The following PIGU variants were observed in gnomAD, a reference collection of about 807,000 sequenced individuals.
PIGU encodes phosphatidylinositol glycan anchor biosynthesis class U, also known as GPI-anchor transamidase component PIGU.
In PIGU, 24 loss-of-function variants were observed where a neutral mutation model predicts 49.9. The ratio of observed to expected loss-of-function variants is 0.48; its 90% CI spans 0.35 to 0.68. The LOEUF (loss-of-function observed/expected upper bound fraction) is 0.68. PIGU is among the 30% of genes least tolerant of loss of function. The pLI is 0.01. For synonymous variants in PIGU, 220 were observed against 205.7 expected (o/e 1.07, Z -0.59); for missense variants, 490 against 532.6 (o/e 0.92, Z 0.79).
intron 11 of PIGU, among the ~76,000 whole-genome samples, chr20:34,565,996 C>T (rs1225855947): frequency 6.6e-6 from 1 of 152,052 alleles, no homozygotes; most frequent in Non-Finnish European, 1.5e-5. Context: ...TGCAAGCTTG[C>T]AATGCTTAGA....
In PIGU at chr20:34,588,467, T is replaced by C; in HGVS notation, c.768A>G (p.Ala256=). 6.2e-7 allele frequency: 1 copy of C among 1,613,896 alleles called. No homozygotes were observed. Among genetic ancestry groups the C allele is most frequent in the East Asian group, 2.2e-5 (1 of 44,860 alleles). Residue 256 remains alanine, a synonymous_variant, in exon 8 of 12, where the codon GCA becomes GCG. Coordinates refer to ENST00000217446, the MANE Select transcript of PIGU (RefSeq NM_080476.5). ...TCATTACTTACATAAAGCCATAGACTGCGGGGATGAAATCCCAAGAGCTGA... is the reference window on the plus strand; with the variant it reads ...TCATTACTTACATAAAGCCATAGACCGCGGGGATGAAATCCCAAGAGCTGA... ...FLLSSWDFIP[A]VYGFILSVPD...
chr20:34,676,896 T>G, intron 1 of PIGU, 60 bp downstream of exon 1: 8 of 1,548,192 alleles, frequency 5.2e-6, no homozygotes, highest in Non-Finnish European at 7.0e-6. Flanking sequence ...CGCCTCCCAT[T>G]CACAGAGGCC....
Position 34,562,480 on chromosome 20 carries a change from G to A in PIGU, c.1195-1501C>T, listed in dbSNP as rs1258529275. On this transcript the variant is annotated intron_variant, in intron 11 of 11. Coordinates refer to ENST00000217446, the MANE Select transcript of PIGU (RefSeq NM_080476.5). Reference sequence around the variant, plus strand: ...AGCTAAGGAGAGATCAGAGGCGCCTGGAGGAGTTCAGGAAGGTGTCCTGTC... The same window carrying A: ...AGCTAAGGAGAGATCAGAGGCGCCTAGAGGAGTTCAGGAAGGTGTCCTGTC... 3 of 1,288,410 alleles carry A rather than the reference G, an allele frequency of 2.3e-6. No individual in the cohort carries two copies. In the African/African-American group the frequency reaches 4.6e-5, roughly 20 times the overall value. The allele number at this position is 1,288,410 out of a possible 1,614,324, so 79.8% of individuals were successfully genotyped here. A position where few individuals can be genotyped will look rare whatever the true frequency, so the allele number is the denominator to read the frequency against.
At chr20:34,589,315 T>TA (rs1983849188) in intron 7 of PIGU, among the ~76,000 whole-genome samples, 1 of 152,150 alleles carries the variant, frequency 6.6e-6, no homozygotes. Flanking sequence ...AAAAAGACTT[T>TA]AAAAAAACGC....
At chr20:34,604,659 A>G (rs1984547623) in intron 7 of PIGU, among the ~76,000 whole-genome samples, 1 of 152,064 alleles carries the variant, frequency 6.6e-6, no homozygotes, top group African/African-American at 2.4e-5. Flanking sequence ...AGGTGTGAAA[A>G]CTCTAAATAT....
chr20:34,631,488 A>G (rs187535052), intron 6 of PIGU, among the ~76,000 whole-genome samples: 1 of 151,238 alleles, frequency 6.6e-6, no homozygotes, highest in African/African-American at 2.4e-5. Context: ...AAAAAGACGC[A>G]TGTCCAGACA....
intron 7 of PIGU, among the ~76,000 whole-genome samples, chr20:34,615,693 C>T (rs62213587): frequency 7.0e-4 from 106 of 152,202 alleles, no homozygotes; most frequent in Middle Eastern, 6.8e-3. Flanking sequence ...CATGAATCAC[C>T]CCTTTGTCTA....
intron 7 of PIGU, among the ~76,000 whole-genome samples, chr20:34,601,526 G>A (rs919624020): frequency 2.0e-5 from 3 of 152,044 alleles, no homozygotes; most frequent in African/African-American, 7.2e-5. Context: ...TATAAATTGG[G>A]TCATTCTTGT....
At chr20:34,613,543 A>C (rs1319525083) in intron 7 of PIGU, among the ~76,000 whole-genome samples, 1 of 152,204 alleles carries the variant, frequency 6.6e-6, no homozygotes, top group Non-Finnish European at 1.5e-5. Flanking sequence ...AGGTTGGACA[A>C]GCTCAGAAAC....
chr20:34,605,509 C>T (rs34204895), intron 7 of PIGU, among the ~76,000 whole-genome samples: 8,749 of 152,286 alleles, frequency 0.057, 335 homozygotes, highest in Non-Finnish European at 0.087. Flanking sequence ...CTTTCATGAA[C>T]ATTTGAATAC....
At chr20:34,571,769 A>G (rs1366276818) in intron 11 of PIGU, among the ~76,000 whole-genome samples, 1 of 152,186 alleles carries the variant, frequency 6.6e-6, no homozygotes, top group African/African-American at 2.4e-5. Flanking sequence ...AAAACTTGAA[A>G]TGTCTCATTT....
intron 3 of PIGU, 45 bp from the exon 4 acceptor site, chr20:34,644,271 G>T (rs772858765): frequency 3.4e-6 from 5 of 1,489,866 alleles, no homozygotes; most frequent in Non-Finnish European, 4.7e-6. Flanking sequence ...CACAGTAAGT[G>T]TAAGAGTACT....
chr20:34,612,650 G>T (rs1185576568), intron 7 of PIGU, among the ~76,000 whole-genome samples: 8 of 145,996 alleles, frequency 5.5e-5, no homozygotes, highest in Middle Eastern at 3.4e-3. Flanking sequence ...TTGAGACAGA[G>T]TGTCACTTCA....
intron 6 of PIGU, among the ~76,000 whole-genome samples, chr20:34,631,763 ATATATATATATATATATATATATTTTTT>A (rs1985762268): frequency 2.1e-4 from 1 of 4,708 alleles, no homozygotes; most frequent in African/African-American, 1.4e-3. Context: ...ATATATATAT[ATATATATATATATATATATATATTTTTT>A]TTTTTTTTTT....
chr20:34,562,438 G>C, intron 11 of PIGU: 1 of 1,288,544 alleles, frequency 7.8e-7, no homozygotes, highest in Non-Finnish European at 1.0e-6. Flanking sequence ...TCACTGACCT[G>C]AAGGTAACAC....
At position 34,560,996 on chromosome 20, in the gene PIGU, G is replaced by C; in HGVS notation, c.1195-17C>G. The C allele has an allele frequency of 3.2e-6, 5 of 1,551,598 alleles. No homozygotes were observed. The highest frequency in any genetic ancestry group is 3.6e-6 in the Non-Finnish European group (4 of 1,126,756). On this transcript the variant is annotated splice_polypyrimidine_tract_variant and intron_variant, in intron 11 of 11. Transcript: ENST00000217446. ...GAGCAGGATCTGGGGGGAGAGAGAGGGTGTGAGGCGCTGCTGGGTACCTCC... is the reference window on the plus strand; with the variant it reads ...GAGCAGGATCTGGGGGGAGAGAGAGCGTGTGAGGCGCTGCTGGGTACCTCC...
chr20:34,656,508 T>G (rs535846394), intron 2 of PIGU, among the ~76,000 whole-genome samples: 112 of 151,404 alleles, frequency 7.4e-4, no homozygotes, highest in African/African-American at 2.6e-3. Context: ...GGTTTCGATT[T>G]CCTGACCTCG....
chr20:34,618,020 C>G (rs913199939), intron 6 of PIGU, among the ~76,000 whole-genome samples: 11 of 152,218 alleles, frequency 7.2e-5, no homozygotes, highest in South Asian at 4.1e-4. Context: ...GATTGTGAGA[C>G]CTTCCCCAGC....
chr20:34,571,237 G>A (rs1362636686), intron 11 of PIGU, among the ~76,000 whole-genome samples: 1 of 152,136 alleles, frequency 6.6e-6, no homozygotes, highest in East Asian at 1.9e-4. Flanking sequence ...CTGACTCTGA[G>A]GAACAACCAT....
Sources: gnomAD v4.1 joint callset for allele counts (sites outside exome capture counted in the v4.1 genomes callset) on GRCh38, gnomAD v4.1.1 for gene constraint, MANE v1.5 for transcripts, NCBI Gene and HGNC (gene_info 2026-07-23, HGNC 2026-07-21) for gene names.